Variants in LVRN observed in about 807,000 individuals in gnomAD.
LVRN encodes laeverin, also known as aminopeptidase Q.
Under a neutral mutation model 111.4 loss-of-function variants are expected in LVRN, and 99 were observed. That is an observed-to-expected ratio of 0.89 (90% CI 0.76 to 1.05). The LOEUF (loss-of-function observed/expected upper bound fraction) is 1.05, where lower values mean the gene tolerates loss of function less well. Ranked by LOEUF, LVRN falls within the 50% of genes least tolerant of loss-of-function variation. The pLI, the probability that LVRN is intolerant of heterozygous loss-of-function variation, is 0.00. For missense variants in LVRN, 1,414 were observed against 1,206.8 expected (o/e 1.17, Z -2.54); for synonymous variants, 488 against 449.5 (o/e 1.09, Z -1.08).
In LVRN at chr5:115,983,340, G is replaced by C. The variant is rs1184409247; in HGVS notation, c.749G>C (p.Cys250Ser). Residue 250 changes from cysteine to serine, a missense_variant, in exon 2 of 20, where the codon TGT becomes TCT. Cys to Ser is a moderately radical substitution (Grantham distance 112). Coordinates refer to ENST00000357872, the MANE Select transcript of LVRN (RefSeq NM_173800.5). Reference protein sequence around the residue: ...EPTFARYVFPCFDEPALKATF... With the variant: ...EPTFARYVFPSFDEPALKATF... Reference sequence around the variant, plus strand: ...ACATTTGCCAGGTATGTTTTCCCTTGTTTTGATGAGCCAGCTCTGAAGGCA... The same window carrying C: ...ACATTTGCCAGGTATGTTTTCCCTTCTTTTGATGAGCCAGCTCTGAAGGCA... 1 of 1,611,520 alleles carries C rather than the reference G, an allele frequency of 6.2e-7. No individual in the cohort carries two copies.
At chr5:115,969,524 A>G (rs1036053929) in intron 1 of LVRN, among the ~76,000 whole-genome samples, 1 of 152,008 alleles carries the variant, frequency 6.6e-6, no homozygotes, top group African/African-American at 2.4e-5. Flanking sequence ...TTGGCCTGGT[A>G]TGGTGGCTCA....
intron 1 of LVRN, among the ~76,000 whole-genome samples, chr5:115,971,711 A>G (rs2112554657): frequency 6.6e-6 from 1 of 152,084 alleles, no homozygotes; most frequent in African/African-American, 2.4e-5. Context: ...TATTGTCTTG[A>G]TTCCTGTAGC....
intron 1 of LVRN, among the ~76,000 whole-genome samples, chr5:115,964,306 C>T (rs765869690): frequency 5.3e-5 from 8 of 152,272 alleles, no homozygotes; most frequent in Non-Finnish European, 1.2e-4. Flanking sequence ...GAAAGAATCC[C>T]ACTAAATTAC....
chr5:116,000,322 A>G (rs925964390), intron 7 of LVRN, 111 bp from the exon 8 acceptor site: 2 of 1,426,122 alleles, frequency 1.4e-6, no homozygotes, highest in Non-Finnish European at 2.0e-6. Context: ...TTCAACTAAA[A>G]TGCAAAATGC....
At chr5:115,984,817 T>C (rs1747817146) in intron 3 of LVRN, 108 bp downstream of exon 3, 8 of 1,434,312 alleles carry the variant, frequency 5.6e-6, no homozygotes, top group Non-Finnish European at 7.5e-6. Context: ...AATCGCTTCC[T>C]AGTTCTCTCT....
At chr5:115,987,000 C>T (rs1391473249) in intron 3 of LVRN, among the ~76,000 whole-genome samples, 1 of 151,756 alleles carries the variant, frequency 6.6e-6, no homozygotes, top group East Asian at 1.9e-4. Context: ...TGTTCTTTAA[C>T]ATTAATGCTG....
intron 1 of LVRN, among the ~76,000 whole-genome samples, chr5:115,981,950 T>A (rs1454838955): frequency 6.6e-6 from 1 of 152,194 alleles, no homozygotes; most frequent in Non-Finnish European, 1.5e-5. Context: ...GTGTCATTAT[T>A]TTCTAGGTGG....
chr5:116,015,757 G>T lies in LVRN; in HGVS notation c.2748G>T (p.Val916=). 6.2e-7 allele frequency: 1 copy of T among 1,613,062 alleles called. No individual in the cohort carries two copies. Among genetic ancestry groups the T allele is most frequent in the Non-Finnish European group, 8.5e-7 (1 of 1,179,480 alleles). ...KDFLVNNWQA[V]SKRYGTQSLI... Reference sequence around the variant, plus strand: ...TCTTAGTCAACAACTGGCAAGCTGTGAGTAAAAGGTAAGAAGGAAAGTGAG... The same window carrying T: ...TCTTAGTCAACAACTGGCAAGCTGTTAGTAAAAGGTAAGAAGGAAAGTGAG... The change falls in exon 18 of 20, where the codon GTG becomes GTT. Residue 916 remains valine (V), a synonymous_variant. Transcript: ENST00000357872.
chr5:115,983,231 T>G (rs1747751626), intron 1 of LVRN, 56 bp from the exon 2 acceptor site: 2 of 1,467,094 alleles, frequency 1.4e-6, no homozygotes, highest in African/African-American at 2.9e-5. Context: ...CAATGTTTTT[T>G]TATTCCACTG....
At chr5:116,025,619 T>C (rs1409871506) in intron 19 of LVRN, among the ~76,000 whole-genome samples, 1 of 152,198 alleles carries the variant, frequency 6.6e-6, no homozygotes, top group African/African-American at 2.4e-5. Flanking sequence ...GCAGTTTCTT[T>C]TGAGATTTTT....
At position 116,009,683 on chromosome 5, in the gene LVRN, A is replaced by C. The variant is rs146818131; in HGVS notation, c.2094-1058A>C. Among the ~76,000 whole-genome samples the C allele has an allele frequency of 1.1e-3, 163 of 152,344 alleles. 1 individual carries two copies. The highest frequency in any genetic ancestry group is 3.9e-3 in the African/African-American group (162 of 41,580). ...GAGGAAGTCACTTCAGATACAGTGG[A>C]AATAGTGATAGAACTAGAATTAGAA... On this transcript the variant is annotated intron_variant, in intron 13 of 19. Transcript: ENST00000357872.
chr5:116,015,938 G>T (rs1748595545), intron 18 of LVRN, among the ~76,000 whole-genome samples, 173 bp downstream of exon 18: 1 of 152,196 alleles, frequency 6.6e-6, no homozygotes, highest in Non-Finnish European at 1.5e-5. Context: ...CAAACTGCCT[G>T]TGTTATGGAA....
intron 6 of LVRN, among the ~76,000 whole-genome samples, chr5:115,998,115 G>C (rs1748159135): frequency 6.6e-6 from 1 of 152,164 alleles, no homozygotes; most frequent in South Asian, 2.1e-4. Flanking sequence ...TAAATGTCTA[G>C]CTAATAAAAG....
intron 13 of LVRN, 182 bp from the exon 14 acceptor site, chr5:116,010,559 G>A: frequency 1.5e-6 from 1 of 674,054 alleles, no homozygotes; most frequent in South Asian, 1.5e-5. Context: ...TGAAATGGAA[G>A]GACTGTCAAC....
intron 4 of LVRN, among the ~76,000 whole-genome samples, chr5:115,991,613 T>G (rs1303061652): frequency 6.6e-6 from 1 of 152,228 alleles, no homozygotes; most frequent in East Asian, 1.9e-4. Context: ...TGTACCATTT[T>G]GCATCCCCAC....
intron 4 of LVRN, among the ~76,000 whole-genome samples, chr5:115,990,958 T>C (rs987927276): frequency 2.6e-5 from 4 of 152,158 alleles, no homozygotes; most frequent in Admixed American, 1.3e-4. Flanking sequence ...TTCCCATATA[T>C]TCTCTCTTTC....
intron 15 of LVRN, among the ~76,000 whole-genome samples, chr5:116,013,418 T>C (rs972622767): frequency 6.6e-6 from 1 of 152,114 alleles, no homozygotes; most frequent in African/African-American, 2.4e-5. Context: ...TTTCCTTGGC[T>C]CTCCTAAATT....
rs1424030083 is a variant in LVRN at position 115,963,177 on chromosome 5, A to G, written c.560A>G (p.Tyr187Cys). ...DDVWFALDTEYMVLELSEPLK... is the reference protein window; with the variant it reads ...DDVWFALDTECMVLELSEPLK... Reference sequence around the variant, plus strand: ...GTGTGGTTCGCGCTGGACACGGAATACATGGTGCTGGAGCTCAGTGAGCCC... The same window carrying G: ...GTGTGGTTCGCGCTGGACACGGAATGCATGGTGCTGGAGCTCAGTGAGCCC... The change falls in exon 1 of 20, where the codon TAC becomes TGC. Residue 187 changes from tyrosine to cysteine, a missense_variant. Physicochemically the swap from Tyr to Cys is radical, Grantham distance 194. Coordinates refer to ENST00000357872, the MANE Select transcript of LVRN (RefSeq NM_173800.5). 1 of 1,612,950 alleles carries G rather than the reference A, an allele frequency of 6.2e-7. No homozygotes were observed. The highest frequency in any genetic ancestry group is 2.2e-5 in the East Asian group (1 of 44,856).
At chr5:115,992,747 G>A (rs999665132) in intron 5 of LVRN, among the ~76,000 whole-genome samples, 1 of 152,144 alleles carries the variant, frequency 6.6e-6, no homozygotes, top group African/African-American at 2.4e-5. Flanking sequence ...ATTAACCCTT[G>A]AGCTGCATTC....
Sources: gnomAD v4.1 joint callset for allele counts (sites outside exome capture counted in the v4.1 genomes callset) on GRCh38, gnomAD v4.1.1 for gene constraint, MANE v1.5 for transcripts, NCBI Gene and HGNC (gene_info 2026-07-23, HGNC 2026-07-21) for gene names.